C8orf34: variants seen among roughly 807,000 people sequenced by gnomAD.
The protein encoded by C8orf34 is chromosome 8 open reading frame 34.
Under a neutral mutation model 68.3 loss-of-function variants are expected in C8orf34, and 65 were observed. The observed-to-expected ratio is 0.95, with a 90% confidence interval of 0.78 to 1.17. The LOEUF is 1.17. C8orf34 is among the 50% of genes most tolerant of loss of function. The probability of loss-of-function intolerance (pLI) is 0.00; values close to 1 mark genes in which losing one functional copy is unlikely to be tolerated. For synonymous variants in C8orf34, 244 were observed against 241.2 expected, an observed-to-expected ratio of 1.01 and a Z score of -0.11; for missense variants, 664 against 655.4, an observed-to-expected ratio of 1.01 and a Z score of -0.14.
chr8:68,568,889 G>A (rs148135797), intron 7 of C8orf34, among the ~76,000 whole-genome samples: 18 of 148,244 alleles, frequency 1.2e-4, no homozygotes, highest in African/African-American at 3.4e-4. Context: ...TCTCTCTTGC[G>A]CTGCACAACT....
intron 11 of C8orf34, among the ~76,000 whole-genome samples, chr8:68,778,087 G>A (rs1332445021): frequency 6.6e-6 from 1 of 152,054 alleles, no homozygotes; most frequent in Non-Finnish European, 1.5e-5. Flanking sequence ...TGACTAGTTG[G>A]CTTTTCTCAC....
intron 1 of C8orf34, among the ~76,000 whole-genome samples, chr8:68,391,101 T>A (rs1388330093): frequency 6.6e-6 from 1 of 152,152 alleles, no homozygotes; most frequent in Non-Finnish European, 1.5e-5. Flanking sequence ...TTTAGCCAAA[T>A]TGACACATAA....
chr8:68,651,058 CCTCT>C (rs752135252), intron 8 of C8orf34, among the ~76,000 whole-genome samples: 4 of 152,014 alleles, frequency 2.6e-5, no homozygotes, highest in Non-Finnish European at 2.9e-5. Context: ...CTCCTTTTAC[CCTCT>C]CTATCTGCCT....
chr8:68,593,776 T>TA (rs1817464956), intron 7 of C8orf34, among the ~76,000 whole-genome samples: 1 of 152,084 alleles, frequency 6.6e-6, no homozygotes. Context: ...TTGCTGTTTT[T>TA]ATTCAGTTAT....
intron 7 of C8orf34, among the ~76,000 whole-genome samples, chr8:68,595,346 AT>A (rs1817513644): frequency 6.6e-6 from 1 of 151,986 alleles, no homozygotes; most frequent in African/African-American, 2.4e-5. Context: ...TCATTTTAAA[AT>A]TTTCCCCTTG....
chr8:68,644,940 A>G lies in C8orf34; in HGVS notation c.1241+4429A>G, dbSNP rs187849947. On this transcript the variant is annotated intron_variant, in intron 8 of 13. Coordinates refer to ENST00000518698, the MANE Select transcript of C8orf34 (RefSeq NM_052958.4). ...GATGAGAGGAGAATGCAGAATTCAT[A>G]GAGCAAAACCATACATTGGATTTTA... 3.9e-5 allele frequency among the ~76,000 whole-genome samples: 6 copies of G among 152,354 alleles called. No homozygotes were observed. The East Asian group carries it at 1.2e-3, about 29-fold the overall frequency.
intron 1 of C8orf34, among the ~76,000 whole-genome samples, chr8:68,407,609 G>A (rs1208917366): frequency 6.6e-6 from 1 of 152,020 alleles, no homozygotes; most frequent in Non-Finnish European, 1.5e-5. Context: ...GTTGCTGTGG[G>A]TCTATCTCTT....
intron 5 of C8orf34, among the ~76,000 whole-genome samples, chr8:68,507,435 A>G (rs543349214): frequency 3.3e-5 from 5 of 152,348 alleles, no homozygotes; most frequent in African/African-American, 9.6e-5. Context: ...GGGGAGGTTC[A>G]TACAAACCAC....
intron 7 of C8orf34, among the ~76,000 whole-genome samples, chr8:68,558,536 T>C (rs1466472906): frequency 6.6e-6 from 1 of 151,944 alleles, no homozygotes; most frequent in African/African-American, 2.4e-5. Flanking sequence ...AATTGAGAAA[T>C]GTCTATAATT....
chr8:68,413,279 AGATAATCAAAGCAATCTGAAGAG>A (rs1159375800), intron 1 of C8orf34, among the ~76,000 whole-genome samples: 1 of 152,132 alleles, frequency 6.6e-6, no homozygotes, highest in African/African-American at 2.4e-5. Flanking sequence ...TACTTTACTG[AGATAATCAAAGCAATCTGAAGAG>A]GAAATCTGCA....
Position 68,446,382 on chromosome 8 carries a change from A to C in C8orf34, c.529A>C (p.Asn177His). The part of the protein sequence containing the change: ...FRSYDKPWQL[N>H]AKKPKKSKSD... Reference sequence around the variant, plus strand: ...AAGCTATGATAAACCTTGGCAATTAAATGCAAAGAAGCCTAAAAAATCAAA... The same window carrying C: ...AAGCTATGATAAACCTTGGCAATTACATGCAAAGAAGCCTAAAAAATCAAA... Residue 177 changes from asparagine to histidine, a missense_variant, in exon 3 of 14, where the codon AAT (asparagine) becomes CAT (histidine). Asn to His is a moderately conservative substitution (Grantham distance 68). Transcript: ENST00000518698. 1 of 1,612,254 alleles carries C rather than the reference A, an allele frequency of 6.2e-7. No homozygotes were observed. The highest frequency in any genetic ancestry group is 8.5e-7 in the Non-Finnish European group (1 of 1,179,372).
Position 68,380,142 on chromosome 8 carries a change from G to A in C8orf34, c.327+48803G>A, listed in dbSNP as rs541424899. 7.9e-4 allele frequency among the ~76,000 whole-genome samples: 120 copies of A among 152,288 alleles called. 1 individual carries two copies. Among genetic ancestry groups the A allele is most frequent in the African/African-American group, 2.7e-3 (114 of 41,564 alleles). On this transcript the variant is annotated intron_variant, in intron 1 of 13. Transcript: ENST00000518698. ...CTCCCAAAGTGCTGGAATTATAGGC[G>A]TGAGCCACCACACCCAGCCTTCTTG...
At chr8:68,810,640 G>A (rs1295480269) in intron 12 of C8orf34, among the ~76,000 whole-genome samples, 2 of 152,130 alleles carry the variant, frequency 1.3e-5, no homozygotes, top group African/African-American at 4.8e-5. Flanking sequence ...AATGAGGTAC[G>A]CATACAACTG....
At chr8:68,652,487 A>G (rs948914231) in intron 8 of C8orf34, among the ~76,000 whole-genome samples, 5 of 152,182 alleles carry the variant, frequency 3.3e-5, no homozygotes, top group African/African-American at 1.2e-4. Flanking sequence ...CTATTGCTTC[A>G]TTCAAGTTCC....
chr8:68,767,654 G>C (rs1053275339), intron 10 of C8orf34, among the ~76,000 whole-genome samples: 10 of 152,118 alleles, frequency 6.6e-5, no homozygotes, highest in South Asian at 2.1e-4. Flanking sequence ...TTCATTCATA[G>C]AAATGGGATC....
chr8:68,356,000 T>A (rs927936488), intron 1 of C8orf34, among the ~76,000 whole-genome samples: 1 of 152,202 alleles, frequency 6.6e-6, no homozygotes, highest in Non-Finnish European at 1.5e-5. Context: ...ACAGTTTATA[T>A]TCTGTTTATT....
chr8:68,439,717 A>G, intron 2 of C8orf34, 71 bp downstream of exon 2: 1 of 1,439,562 alleles, frequency 6.9e-7, no homozygotes, highest in African/African-American at 1.4e-5. Context: ...TCTTTTTGAT[A>G]CTAATAAGAT....
chr8:68,501,191 C>G (rs73266545), intron 5 of C8orf34, among the ~76,000 whole-genome samples: 1 of 152,140 alleles, frequency 6.6e-6, no homozygotes, highest in Admixed American at 6.5e-5. Flanking sequence ...AAGCTGAAAT[C>G]TATTCTAACA....
In C8orf34 at chr8:68,622,556, C is replaced by T. The variant is rs114884045; in HGVS notation, c.1106-17820C>T. Among the ~76,000 whole-genome samples, 522 of 152,214 alleles carry T rather than the reference C, an allele frequency of 3.4e-3. 1 individual carries two copies. Among genetic ancestry groups the T allele is most frequent in the African/African-American group, 0.012 (496 of 41,544 alleles). ...GGTAGGTCGATGGTATGGCAATGAG[C>T]TTGAGACTTTCATAATAGCAAAGGC... On this transcript the variant is annotated intron_variant, in intron 7 of 13. Transcript: ENST00000518698.
Sources: gnomAD v4.1 joint callset for allele counts (sites outside exome capture counted in the v4.1 genomes callset) on GRCh38, gnomAD v4.1.1 for gene constraint, MANE v1.5 for transcripts, NCBI Gene and HGNC (gene_info 2026-07-23, HGNC 2026-07-21) for gene names.